PIK3R6: variants seen among roughly 807,000 people sequenced by gnomAD.
PIK3R6 encodes phosphoinositide-3-kinase regulatory subunit 6.
A neutral mutation model predicts 84.9 loss-of-function variants in PIK3R6; 91 were observed. That is an observed-to-expected ratio of 1.07 (90% CI 0.90 to 1.28). The LOEUF is 1.28. PIK3R6 is among the 50% of genes most tolerant of loss of function. PIK3R6 has a pLI of 0.00. For synonymous variants in PIK3R6, 416 were observed against 411.4 expected, an observed-to-expected ratio of 1.01 and a Z score of -0.13; for missense variants, 996 against 985.1, an observed-to-expected ratio of 1.01 and a Z score of -0.15.
chr17:8,845,989 T>C (rs1157610592), intron 2 of PIK3R6, among the ~76,000 whole-genome samples: 2 of 152,156 alleles, frequency 1.3e-5, no homozygotes, highest in African/African-American at 4.8e-5. Context: ...AGGTCTCAAT[T>C]GTCGATTTTT....
At chr17:8,822,450 G>A (rs993181030) in intron 16 of PIK3R6, 137 bp downstream of exon 16, 10 of 968,674 alleles carry the variant, frequency 1.0e-5, no homozygotes, top group Non-Finnish European at 1.6e-5. Context: ...CCTGAAGGCT[G>A]GGGAACTCTG....
Position 8,828,181 on chromosome 17 carries a change from CTCCCGTT to C in PIK3R6, c.1316_1322del (p.Lys439ArgfsTer44), listed in dbSNP as rs1170125697. Reference sequence around the variant, plus strand: ...TGGGAGTGAGGCAGAACTTCTGGGTCTCCCGTTTCCTAGCAATGGGCAGCAAAGCAGA... The same window carrying C: ...TGGGAGTGAGGCAGAACTTCTGGGTCTCCTAGCAATGGGCAGCAAAGCAGA... On this transcript the variant is annotated frameshift_variant and splice_region_variant, in exon 12 of 20. Coordinates refer to ENST00000619866, the MANE Select transcript of PIK3R6 (RefSeq NM_001010855.4). LOFTEE classifies it high-confidence loss of function. 1 of 1,613,974 alleles carries C rather than the reference CTCCCGTT, an allele frequency of 6.2e-7. No individual in the cohort carries two copies. Among genetic ancestry groups the C allele is most frequent in the East Asian group, 2.2e-5 (1 of 44,888 alleles).
In PIK3R6 at chr17:8,839,675, C is replaced by T. The variant is rs533954022; in HGVS notation, c.36G>A (p.Arg12=). The change falls in exon 3 of 20, where the codon AGG becomes AGA. Residue 12 remains arginine (R), a synonymous_variant. Coordinates refer to ENST00000619866, the MANE Select transcript of PIK3R6 (RefSeq NM_001010855.4). The surrounding 1 kb of genome is among the most constrained non-coding windows in gnomAD (Gnocchi z 4.2). ...ESSDVELDLQ[R]SVQAVLRELS... ...GCTCCCGGAGCACAGCCTGCACGCTCCTCTGGAGGTCCAGCTCCACATCTG... is the reference window on the plus strand; with the variant it reads ...GCTCCCGGAGCACAGCCTGCACGCTTCTCTGGAGGTCCAGCTCCACATCTG... 1.3e-6 allele frequency: 2 copies of T among 1,576,910 alleles called. No individual in the cohort carries two copies. The highest frequency in any genetic ancestry group is 2.3e-5 in the South Asian group (2 of 85,874).
At chr17:8,814,987 C>T (rs2087483788) in intron 18 of PIK3R6, among the ~76,000 whole-genome samples, 1 of 152,052 alleles carries the variant, frequency 6.6e-6, no homozygotes, top group East Asian at 1.9e-4. Flanking sequence ...TATACAACAG[C>T]AGCATCAAAA....
Position 8,843,095 on chromosome 17 carries a change from G to A in PIK3R6, c.14-3398C>T, listed in dbSNP as rs576734660. On this transcript the variant is annotated intron_variant, in intron 2 of 19. Coordinates refer to ENST00000619866, the MANE Select transcript of PIK3R6 (RefSeq NM_001010855.4). ...TACTACAGCCACATCTGCCCACCTG[G>A]TCCCTCTGCTGGGCAGAGCATCATC... Among the ~76,000 whole-genome samples, 3 of 152,174 alleles carry A rather than the reference G, an allele frequency of 2.0e-5. No individual in the cohort carries two copies. The South Asian group carries it at 6.2e-4, about 32-fold the overall frequency.
At position 8,849,635 on chromosome 17, in the gene PIK3R6, C is replaced by T. The variant is rs2088894080; in HGVS notation, c.13+147G>A. Reference sequence around the variant, plus strand: ...ATGTCCAACTCTCAAGATGTTCTTACATTTAGGCAGGATCCCTGAATTGGG... The same window carrying T: ...ATGTCCAACTCTCAAGATGTTCTTATATTTAGGCAGGATCCCTGAATTGGG... On this transcript the variant is annotated intron_variant, in intron 2 of 19. Transcript: ENST00000619866. 4.5e-6 allele frequency: 4 copies of T among 879,778 alleles called. No individual in the cohort carries two copies. In the East Asian group the frequency reaches 9.2e-5, roughly 20 times the overall value. 54.5% of individuals were successfully genotyped at this position (879,778 alleles called of 1,614,324 possible).
At chr17:8,858,597 G>A (rs961219113) in intron 1 of PIK3R6, among the ~76,000 whole-genome samples, 2 of 152,106 alleles carry the variant, frequency 1.3e-5, no homozygotes, top group African/African-American at 4.8e-5. Flanking sequence ...GATTAGAGGC[G>A]TGAGCCAGGC....
chr17:8,823,069 C>T lies in PIK3R6; in HGVS notation c.1644G>A (p.Leu548=). The T allele has an allele frequency of 6.2e-7, 1 of 1,606,692 alleles. No individual in the cohort carries two copies. The highest frequency in any genetic ancestry group is 1.7e-5 in the Admixed American group (1 of 59,976). The change falls in exon 15 of 20, where the codon CTG becomes CTA. Residue 548 remains leucine, a synonymous_variant. Coordinates refer to ENST00000619866, the MANE Select transcript of PIK3R6 (RefSeq NM_001010855.4). ...IYTVKIFFSD[L]SQDPTEDIFL... ...AAATGTCCTCAGTAGGGTCTTGGCT[C>T]AGGTCACTGAAAAAGATCTGGAGAG... is the stretch of plus-strand genomic sequence containing the variant.
At chr17:8,807,729 C>T (rs557035851) in intron 18 of PIK3R6, among the ~76,000 whole-genome samples, 1 of 152,112 alleles carries the variant, frequency 6.6e-6, no homozygotes, top group Non-Finnish European at 1.5e-5. Context: ...CCCAAAGCTG[C>T]AGATGGAGAA....
chr17:8,852,317 A>G (rs1292314667), intron 1 of PIK3R6, among the ~76,000 whole-genome samples: 1 of 152,256 alleles, frequency 6.6e-6, no homozygotes, highest in African/African-American at 2.4e-5. Context: ...AGCAAACTAG[A>G]CCACACTTAC....
At chr17:8,848,561 T>TGAA (rs2088866258) in intron 2 of PIK3R6, among the ~76,000 whole-genome samples, 1 of 151,574 alleles carries the variant, frequency 6.6e-6, no homozygotes, top group Middle Eastern at 3.2e-3. Context: ...TATCTGTGTG[T>TGAA]CTAAACATAT....
At chr17:8,849,057 C>T (rs970613144) in intron 2 of PIK3R6, among the ~76,000 whole-genome samples, 1 of 151,716 alleles carries the variant, frequency 6.6e-6, no homozygotes, top group Non-Finnish European at 1.5e-5. Context: ...TCCCTGTTGT[C>T]CCAAGTTGAC....
At chr17:8,841,973 A>T (rs2088692674) in intron 2 of PIK3R6, among the ~76,000 whole-genome samples, 1 of 152,126 alleles carries the variant, frequency 6.6e-6, no homozygotes, top group African/African-American at 2.4e-5. Flanking sequence ...GTAATGAGTG[A>T]GTTCTCATTC....
intron 1 of PIK3R6, among the ~76,000 whole-genome samples, chr17:8,850,993 G>A (rs1298220276): frequency 6.6e-6 from 1 of 151,996 alleles, no homozygotes; most frequent in East Asian, 1.9e-4. Context: ...CTTCTGATAA[G>A]TTTTTTCAAA....
chr17:8,806,508 C>T (rs1322589981), intron 18 of PIK3R6, among the ~76,000 whole-genome samples: 1 of 152,194 alleles, frequency 6.6e-6, no homozygotes, highest in African/African-American at 2.4e-5. Context: ...CACACTCTAC[C>T]TGCTTGGCTT....
rs759303014 is a variant in PIK3R6 at position 8,839,637 on chromosome 17, G to T, written c.74C>A (p.Ala25Asp). 6 of 1,576,542 alleles carry T rather than the reference G, an allele frequency of 3.8e-6. No individual in the cohort carries two copies. Among genetic ancestry groups the T allele is most frequent in the Non-Finnish European group, 4.3e-6 (5 of 1,160,918 alleles). The change falls in exon 3 of 20, where the codon GCC becomes GAC. Residue 25 changes from alanine to aspartate, a missense_variant. Ala to Asp is a moderately radical substitution (Grantham distance 126). Transcript: ENST00000619866. This position sits in a 1 kb window ranked among gnomAD's most constrained non-coding sequence, Gnocchi z 4.2. ...ACCTTGGTTGCTCTGCAGGGCAGGGGCCTGGGTGCTGAGCTCCCGGAGCAC... is the reference window on the plus strand; with the variant it reads ...ACCTTGGTTGCTCTGCAGGGCAGGGTCCTGGGTGCTGAGCTCCCGGAGCAC... ...QAVLRELSTQ[A>D]PALQSNQGMW...
rs1346755039 is a variant in PIK3R6, at chr17:8,835,428, C to A, written c.490G>T (p.Val164Leu). The A allele has an allele frequency of 6.3e-7, 1 of 1,586,848 alleles. No individual in the cohort carries two copies. Among genetic ancestry groups the A allele is most frequent in the South Asian group, 1.1e-5 (1 of 89,426 alleles). The change falls in exon 8 of 20, where the codon GTG becomes TTG. Residue 164 changes from valine (V) to leucine (L), a missense_variant. Coordinates refer to ENST00000619866, the MANE Select transcript of PIK3R6 (RefSeq NM_001010855.4). ...AGAGCACTGCACACAGACGCAGACA[C>A]CAGCTCAGGATCCACGAAGAGGAAC... ...RVFLFVDPELVSASVCSALLL... is the reference protein window; with the variant it reads ...RVFLFVDPELLSASVCSALLL...
intron 13 of PIK3R6, among the ~76,000 whole-genome samples, chr17:8,824,620 C>G (rs915921766): frequency 6.6e-6 from 1 of 152,110 alleles, no homozygotes; most frequent in African/African-American, 2.4e-5. Flanking sequence ...AAGCATAGGG[C>G]CATTCAAATT....
In PIK3R6 at chr17:8,821,954, G is replaced by T; in HGVS notation, c.1789-18C>A. On this transcript the variant is annotated intron_variant, in intron 16 of 19. Coordinates refer to ENST00000619866, the MANE Select transcript of PIK3R6 (RefSeq NM_001010855.4). ...AGCAAGGCCTGAGGAGGGGGATCGA[G>T]GAACAGGTGGAGGTGCTCAGGACAT... 1 of 1,550,582 alleles carries T rather than the reference G, an allele frequency of 6.4e-7. No homozygotes were observed. The highest frequency in any genetic ancestry group is 1.2e-5 in the South Asian group (1 of 84,508).
Sources: allele counts gnomAD v4.1 joint callset (sites outside exome capture counted in the v4.1 genomes callset), GRCh38; gene constraint gnomAD v4.1.1; non-coding constraint Gnocchi (gnomAD v3.1); transcripts MANE v1.5; gene names NCBI Gene and HGNC (gene_info 2026-07-23, HGNC 2026-07-21).